Variants in PDE4B observed in about 807,000 individuals in gnomAD.
The protein encoded by PDE4B is phosphodiesterase 4B.
Under a neutral mutation model 82.2 loss-of-function variants are expected in PDE4B, and 20 were observed. The observed-to-expected ratio is 0.24, with a 90% CI of 0.17 to 0.35. PDE4B has a LOEUF of 0.35. Ranked by LOEUF, PDE4B falls within the 10% of genes least tolerant of loss-of-function variation. The probability of loss-of-function intolerance (pLI) is 1.00; values close to 1 mark genes in which losing one functional copy is unlikely to be tolerated. For missense variants in PDE4B, 655 were observed against 907.2 expected (o/e 0.72, Z 3.57); for synonymous variants, 320 against 318.9 (o/e 1.00, Z -0.04).
chr1:66,113,042 A>ATT (rs1645521192), intron 3 of PDE4B, among the ~76,000 whole-genome samples: 2 of 152,158 alleles, frequency 1.3e-5, no homozygotes, highest in African/African-American at 4.8e-5. Context: ...AGTTTTTGAG[A>ATT]CACAATTGCA....
At position 66,032,842 on chromosome 1, in the gene PDE4B, G is replaced by A. The variant is rs574987549; in HGVS notation, c.281+114007G>A. ...GCTAATTTTTTGTATTTTTAGTGGA[G>A]ACGGGGTTTCACCGTGTCAGCCAGG... On this transcript the variant is annotated intron_variant, in intron 3 of 16. Transcript: ENST00000341517. 2.0e-5 allele frequency among the ~76,000 whole-genome samples: 3 copies of A among 152,028 alleles called. No homozygotes were observed. In the South Asian group the frequency reaches 6.3e-4, roughly 32 times the overall value.
At chr1:65,972,379 T>C (rs942145844) in intron 3 of PDE4B, among the ~76,000 whole-genome samples, 4 of 152,196 alleles carry the variant, frequency 2.6e-5, no homozygotes, top group African/African-American at 9.6e-5. Flanking sequence ...GATTATGCAT[T>C]TGTTAGAGCC....
At chr1:66,357,453 T>C (rs1015913975) in intron 9 of PDE4B, among the ~76,000 whole-genome samples, 1 of 152,040 alleles carries the variant, frequency 6.6e-6, no homozygotes, top group African/African-American at 2.4e-5. Context: ...ATATGAGCGC[T>C]GAGTCTCAAC....
intron 7 of PDE4B, among the ~76,000 whole-genome samples, chr1:66,272,430 A>T (rs1655565446): frequency 6.6e-6 from 1 of 152,018 alleles, no homozygotes; most frequent in African/African-American, 2.4e-5. Flanking sequence ...AACCCCCATT[A>T]CTTATCAGTA....
intron 3 of PDE4B, among the ~76,000 whole-genome samples, chr1:66,141,560 G>A (rs1646173133): frequency 6.6e-6 from 1 of 151,854 alleles, no homozygotes. Context: ...GTGAGTTAGG[G>A]AAGAAGAGAG....
intron 3 of PDE4B, among the ~76,000 whole-genome samples, chr1:66,096,520 A>ATATGTATG (rs1645121040): frequency 1.5e-5 from 2 of 130,986 alleles, no homozygotes; most frequent in Non-Finnish European, 3.2e-5. Flanking sequence ...ATATATATAT[A>ATATGTATG]TATATATATA....
intron 3 of PDE4B, among the ~76,000 whole-genome samples, chr1:65,991,131 G>T (rs933032097): frequency 4.0e-5 from 6 of 151,486 alleles, no homozygotes; most frequent in Non-Finnish European, 5.9e-5. Flanking sequence ...AGGCTGGAGT[G>T]CAGTGGCGTG....
At chr1:66,002,266 T>C (rs6670419) in intron 3 of PDE4B, among the ~76,000 whole-genome samples, 16,760 of 152,178 alleles carry the variant, frequency 0.11, 1,829 homozygotes, top group African/African-American at 0.27. Flanking sequence ...ATGTCTTTAT[T>C]TGCTATCCTT....
intron 3 of PDE4B, among the ~76,000 whole-genome samples, chr1:66,148,722 C>T (rs1646323829): frequency 1.3e-5 from 2 of 152,138 alleles, no homozygotes; most frequent in African/African-American, 4.8e-5. Context: ...TACAGATTTG[C>T]CTATTCTGGA....
rs577952604 is a variant in PDE4B at position 65,818,137 on chromosome 1, A to G, written c.-71+24889A>G. Among the ~76,000 whole-genome samples, 15 of 152,260 alleles carry G rather than the reference A, an allele frequency of 9.9e-5. No individual in the cohort carries two copies. In the South Asian group the frequency reaches 3.1e-3, roughly 32 times the overall value. On this transcript the variant is annotated intron_variant, in intron 1 of 16. Coordinates refer to ENST00000341517, the MANE Select transcript of PDE4B (RefSeq NM_002600.4). Reference sequence around the variant, plus strand: ...CTTCCACCCTCAACAATGCCTTCCAAGGGATATTTCTAGCCTGCAAATCTA... The same window carrying G: ...CTTCCACCCTCAACAATGCCTTCCAGGGGATATTTCTAGCCTGCAAATCTA...
At chr1:66,076,747 A>C (rs1489540417) in intron 3 of PDE4B, among the ~76,000 whole-genome samples, 1 of 152,156 alleles carries the variant, frequency 6.6e-6, no homozygotes, top group Non-Finnish European at 1.5e-5. Context: ...TTTGATTTGC[A>C]CATCTCTGAT....
chr1:66,338,667 T>C (rs1023765663), intron 8 of PDE4B, among the ~76,000 whole-genome samples: 2 of 152,214 alleles, frequency 1.3e-5, no homozygotes, highest in African/African-American at 4.8e-5. Context: ...CAAAGCACTG[T>C]AGACTAACCC....
At chr1:65,982,699 C>G (rs1650749622) in intron 3 of PDE4B, among the ~76,000 whole-genome samples, 1 of 152,184 alleles carries the variant, frequency 6.6e-6, no homozygotes, top group African/African-American at 2.4e-5. Flanking sequence ...ACTACAAACT[C>G]TGACTGAAGG....
At chr1:65,875,039 G>T (rs981460590) in intron 1 of PDE4B, among the ~76,000 whole-genome samples, 6 of 150,112 alleles carry the variant, frequency 4.0e-5, no homozygotes, top group Non-Finnish European at 9.0e-5. Context: ...GAAAATTTTC[G>T]CAACCTACTC....
In PDE4B at chr1:66,145,570, T is replaced by C. The variant is rs984648181; in HGVS notation, c.282-101890T>C. Among the ~76,000 whole-genome samples, 77 of 152,136 alleles carry C rather than the reference T, an allele frequency of 5.1e-4. 4 individuals are homozygous for C. Among genetic ancestry groups the C allele is most frequent in the Non-Finnish European group, 1.5e-5 (1 of 68,018 alleles). On this transcript the variant is annotated intron_variant, in intron 3 of 16. Coordinates refer to ENST00000341517, the MANE Select transcript of PDE4B (RefSeq NM_002600.4). ...TTCTGGGGATAAGGGCACCCCATCA[T>C]TTATCTTTGTATGATGAATGCAGTT...
At chr1:66,092,338 A>C (rs2100996065) in intron 3 of PDE4B, among the ~76,000 whole-genome samples, 1 of 152,122 alleles carries the variant, frequency 6.6e-6, no homozygotes, top group East Asian at 1.9e-4. Flanking sequence ...TTCCTACAGC[A>C]TACAGTATAT....
At chr1:66,095,840 C>G (rs573544626) in intron 3 of PDE4B, among the ~76,000 whole-genome samples, 1 of 151,910 alleles carries the variant, frequency 6.6e-6, no homozygotes, top group African/African-American at 2.4e-5. Context: ...TGTTAACCCA[C>G]AAATCAACTA....
intron 3 of PDE4B, among the ~76,000 whole-genome samples, chr1:66,169,047 C>A (rs1164595458): frequency 6.6e-5 from 10 of 152,192 alleles, no homozygotes; most frequent in African/African-American, 2.2e-4. Context: ...GAAAAACAGA[C>A]AAAGGGGAGA....
chr1:66,140,510 A>G (rs561365274), intron 3 of PDE4B, among the ~76,000 whole-genome samples: 1 of 152,350 alleles, frequency 6.6e-6, no homozygotes, highest in South Asian at 2.1e-4. Flanking sequence ...AAATGTCTCA[A>G]TTTGTACTAT....
Sources: gnomAD v4.1 joint callset for allele counts (sites outside exome capture counted in the v4.1 genomes callset) on GRCh38, gnomAD v4.1.1 for gene constraint, MANE v1.5 for transcripts, NCBI Gene and HGNC (gene_info 2026-07-23, HGNC 2026-07-21) for gene names.